Variants in KCNT2 observed in about 807,000 individuals in gnomAD.
KCNT2 encodes potassium channel subfamily T member 2.
Under a neutral mutation model 153.8 loss-of-function variants are expected in KCNT2, and 67 were observed. That is an observed-to-expected ratio of 0.44 (90% CI 0.36 to 0.53). KCNT2 has a LOEUF of 0.53. Among genes scored for constraint, KCNT2 ranks in the 20% least tolerant of loss-of-function variants. The pLI, the probability that KCNT2 is intolerant of heterozygous loss-of-function variation, is 0.00. For synonymous variants in KCNT2, 500 were observed against 458.8 expected (o/e 1.09, Z -1.15); for missense variants, 975 against 1,354.8 (o/e 0.72, Z 4.40).
intron 1 of KCNT2, among the ~76,000 whole-genome samples, chr1:196,530,919 A>G (rs946999340): frequency 1.3e-4 from 20 of 152,184 alleles, no homozygotes; most frequent in Non-Finnish European, 2.1e-4. Flanking sequence ...CATTTTCCTA[A>G]CTACTATTTA....
At chr1:196,324,846 A>G (rs372466099) in intron 19 of KCNT2, among the ~76,000 whole-genome samples, 4 of 152,134 alleles carry the variant, frequency 2.6e-5, no homozygotes, top group African/African-American at 9.6e-5. Flanking sequence ...GAACAATCAC[A>G]TAATTGATTT....
At chr1:196,346,569 T>C (rs1217445508) in intron 14 of KCNT2, among the ~76,000 whole-genome samples, 1 of 152,150 alleles carries the variant, frequency 6.6e-6, no homozygotes, top group Non-Finnish European at 1.5e-5. Flanking sequence ...TTTTTAAGTA[T>C]ATAAGATAAT....
In KCNT2 at chr1:196,261,033, T is replaced by G. The variant is rs546150658; in HGVS notation, c.2911-2539A>C. On this transcript the variant is annotated intron_variant, in intron 25 of 27. Transcript: ENST00000294725. ...TTGGATATTGAATGTGTGTGTGTGT[T>G]TGTGTGTGTGTGTTTGTGTGTTTTA... is the stretch of plus-strand genomic sequence containing the variant. 2.6e-5 allele frequency among the ~76,000 whole-genome samples: 4 copies of G among 151,372 alleles called. No individual in the cohort carries two copies. In the South Asian group the frequency reaches 8.3e-4, roughly 31 times the overall value.
At position 196,258,008 on chromosome 1, in the gene KCNT2, A is replaced by C. The variant is rs977231270; in HGVS notation, c.3211+186T>G. On this transcript the variant is annotated intron_variant, in intron 26 of 27. Transcript: ENST00000294725. ...CCTAGCAGACTCAGCAAACGCTGAA[A>C]ATTTTTAGCATTTTATCTTATCATC... 107 of 1,407,236 alleles carry C rather than the reference A, an allele frequency of 7.6e-5. 1 individual carries two copies. The highest frequency in any genetic ancestry group is 9.9e-5 in the South Asian group (6 of 60,820). 87.2% of individuals were successfully genotyped at this position (1,407,236 alleles called of 1,614,324 possible). A position where few individuals can be genotyped will look rare whatever the true frequency, so the allele number is the denominator to read the frequency against.
intron 14 of KCNT2, among the ~76,000 whole-genome samples, chr1:196,345,810 G>T (rs1666090806): frequency 6.6e-6 from 1 of 152,066 alleles, no homozygotes; most frequent in South Asian, 2.1e-4. Context: ...TTAGTCACAA[G>T]AAACATGGAT....
intron 1 of KCNT2, among the ~76,000 whole-genome samples, chr1:196,531,353 C>T (rs1222152314): frequency 6.6e-6 from 1 of 152,002 alleles, no homozygotes; most frequent in Non-Finnish European, 1.5e-5. Context: ...TAAAAGAAGA[C>T]GAACTTTGTA....
Position 196,482,397 on chromosome 1 carries a change from A to C in KCNT2, c.276-18T>G. Reference sequence around the variant, plus strand: ...TATGAGACCTATAAAAAGAATAATAATAAGTTAGTTTTTTAAAATATGAAA... The same window carrying C: ...TATGAGACCTATAAAAAGAATAATACTAAGTTAGTTTTTTAAAATATGAAA... On this transcript the variant is annotated intron_variant, in intron 3 of 27. Coordinates refer to ENST00000294725, the MANE Select transcript of KCNT2 (RefSeq NM_198503.5). 1.4e-6 allele frequency: 2 copies of C among 1,399,424 alleles called. No homozygotes were observed. Among genetic ancestry groups the C allele is most frequent in the Non-Finnish European group, 1.9e-6 (2 of 1,028,688 alleles). 86.7% of individuals were successfully genotyped at this position (1,399,424 alleles called of 1,614,324 possible). A position where few individuals can be genotyped will look rare whatever the true frequency, so the allele number is the denominator to read the frequency against.
chr1:196,244,261 A>G (rs1432202098), intron 26 of KCNT2, among the ~76,000 whole-genome samples: 1 of 152,092 alleles, frequency 6.6e-6, no homozygotes, highest in African/African-American at 2.4e-5. Flanking sequence ...ATGACCCAGA[A>G]CATTCCCAGC....
chr1:196,475,019 C>T (rs1462811988), intron 5 of KCNT2, among the ~76,000 whole-genome samples: 3 of 152,120 alleles, frequency 2.0e-5, no homozygotes, highest in Non-Finnish European at 4.4e-5. Context: ...AAAGTTTAAA[C>T]TATTTTAGTA....
intron 21 of KCNT2, among the ~76,000 whole-genome samples, chr1:196,305,995 T>C (rs16829753): frequency 0.05 from 7,545 of 152,104 alleles, 284 homozygotes; most frequent in Non-Finnish European, 0.072. Flanking sequence ...TATACCAAAA[T>C]GAGCACACAT....
chr1:196,314,920 T>C (rs142851262), intron 21 of KCNT2, among the ~76,000 whole-genome samples: 1 of 151,720 alleles, frequency 6.6e-6, no homozygotes, highest in Non-Finnish European at 1.5e-5. Context: ...TTCTAAATCT[T>C]TAATAATATT....
At chr1:196,466,655 G>A (rs1677643866) in intron 7 of KCNT2, among the ~76,000 whole-genome samples, 1 of 151,978 alleles carries the variant, frequency 6.6e-6, no homozygotes. Flanking sequence ...ATATATGTAT[G>A]TATATATAAT....
chr1:196,282,971 A>G (rs1571898949), intron 23 of KCNT2, among the ~76,000 whole-genome samples: 1 of 152,240 alleles, frequency 6.6e-6, no homozygotes, highest in African/African-American at 2.4e-5. Context: ...CAGCCTCCCA[A>G]GTAGCTGAGA....
intron 16 of KCNT2, among the ~76,000 whole-genome samples, chr1:196,338,195 T>C (rs914653566): frequency 2.0e-5 from 3 of 152,084 alleles, no homozygotes; most frequent in Non-Finnish European, 4.4e-5. Context: ...AAGTCATTAC[T>C]TAGGGAATGT....
chr1:196,236,074 G>T lies in KCNT2; in HGVS notation c.3212-4C>A. Reference sequence around the variant, plus strand: ...CTTTGATGATCATTCATTTCATCTAGAAGATAAATAAATGCCAAGTTTGTT... The same window carrying T: ...CTTTGATGATCATTCATTTCATCTATAAGATAAATAAATGCCAAGTTTGTT... On this transcript the variant is annotated splice_region_variant and splice_polypyrimidine_tract_variant and intron_variant, in intron 26 of 27. Coordinates refer to ENST00000294725, the MANE Select transcript of KCNT2 (RefSeq NM_198503.5). 2 of 1,543,300 alleles carry T rather than the reference G, an allele frequency of 1.3e-6. No individual in the cohort carries two copies. The highest frequency in any genetic ancestry group is 1.8e-6 in the Non-Finnish European group (2 of 1,116,964).
chr1:196,445,237 T>C (rs1399547095), intron 8 of KCNT2, among the ~76,000 whole-genome samples: 2 of 151,380 alleles, frequency 1.3e-5, no homozygotes, highest in Non-Finnish European at 3.0e-5. Context: ...TAACACTCAA[T>C]TTAAATGTCC....
chr1:196,228,306 T>G lies in KCNT2; in HGVS notation c.3326A>C (p.Tyr1109Ser). The stretch of plus-strand genomic sequence containing the variant: ...TCGACTGGGCTCACTGTTTGGAAGG[T>G]AGGCCAGTGGATCTGGTCGAATTAA... ...VYLIRPDPLA[Y>S]LPNSEPSRRN... is the part of the protein sequence containing the mutation. The change falls in exon 28 of 28, where the codon TAC becomes TCC. Residue 1109 changes from tyrosine (Y) to serine (S), a missense_variant. Around this residue, in one of 6 missense-constraint regions of KCNT2, gnomAD observed 241 missense variants for 271.1 expected, o/e 0.89. Transcript: ENST00000294725. 1.2e-6 allele frequency: 2 copies of G among 1,609,050 alleles called. No individual in the cohort carries two copies. Among genetic ancestry groups the G allele is most frequent in the Middle Eastern group, 1.7e-4 (1 of 6,048 alleles).
chr1:196,382,931 G>GA (rs200096513), intron 13 of KCNT2, among the ~76,000 whole-genome samples: 7 of 149,798 alleles, frequency 4.7e-5, no homozygotes, highest in East Asian at 2.0e-4. Flanking sequence ...GTCAAGGAGT[G>GA]AAAAAAAAAG....
chr1:196,432,340 G>A (rs1674237302), intron 8 of KCNT2, among the ~76,000 whole-genome samples: 1 of 152,110 alleles, frequency 6.6e-6, no homozygotes, highest in African/African-American at 2.4e-5. Flanking sequence ...AGCAATGCCT[G>A]GTGGAGCCAT....
Sources: gnomAD v4.1 joint callset for allele counts (sites outside exome capture counted in the v4.1 genomes callset) on GRCh38, gnomAD v4.1.1 for gene constraint, gnomAD v4.1.1 regional missense constraint, MANE v1.5 for transcripts, NCBI Gene and HGNC (gene_info 2026-07-23, HGNC 2026-07-21) for gene names.